Variants in ATP9A observed in about 807,000 individuals in gnomAD.
ATP9A encodes ATPase phospholipid transporting 9A.
A neutral mutation model predicts 144.1 loss-of-function variants in ATP9A; 52 were observed. That is an observed-to-expected ratio of 0.36 (90% confidence interval 0.29 to 0.45). The LOEUF is 0.45. Among genes scored for constraint, ATP9A ranks in the 20% least tolerant of loss-of-function variants. ATP9A has a pLI of 1.00. For missense variants in ATP9A, 947 were observed against 1,392.7 expected, an observed-to-expected ratio of 0.68 and a Z score of 5.09; for synonymous variants, 582 against 557.4, an observed-to-expected ratio of 1.04 and a Z score of -0.62.
At chr20:51,749,821 G>T (rs2122901547) in intron 1 of ATP9A, among the ~76,000 whole-genome samples, 1 of 152,176 alleles carries the variant, frequency 6.6e-6, no homozygotes, top group African/African-American at 2.4e-5. Flanking sequence ...ATTAAACCAT[G>T]TGACTCTGAC....
intron 1 of ATP9A, among the ~76,000 whole-genome samples, chr20:51,757,709 A>G (rs1216220023): frequency 6.6e-6 from 1 of 152,174 alleles, no homozygotes; most frequent in Admixed American, 6.6e-5. Context: ...GTTTGAAACC[A>G]GCCTGAGCAA....
chr20:51,753,345 A>G (rs2077840816), intron 1 of ATP9A, among the ~76,000 whole-genome samples: 1 of 151,934 alleles, frequency 6.6e-6, no homozygotes. Context: ...CTTGGGAGGC[A>G]GAGGCGGAGG....
At chr20:51,684,019 A>AG (rs1199992938) in intron 9 of ATP9A, among the ~76,000 whole-genome samples, 5 of 152,200 alleles carry the variant, frequency 3.3e-5, no homozygotes, top group African/African-American at 1.2e-4. Context: ...CCCTGTCTCT[A>AG]CAAAAAATAC....
At chr20:51,678,164 G>A (rs910717357) in intron 9 of ATP9A, among the ~76,000 whole-genome samples, 1 of 151,968 alleles carries the variant, frequency 6.6e-6, no homozygotes, top group Non-Finnish European at 1.5e-5. Flanking sequence ...GGGGCAGGCA[G>A]TTTGTACTGT....
In ATP9A at chr20:51,689,144, A is replaced by G; in HGVS notation, c.724-5T>C. On this transcript the variant is annotated splice_region_variant and splice_polypyrimidine_tract_variant and intron_variant, in intron 8 of 27. Transcript: ENST00000338821. ...GATCGGGGGGTCGCTGTCTTCCTGG[A>G]AAAGACCAAACGGACACACGTTCAC... 1 of 1,613,750 alleles carries G rather than the reference A, an allele frequency of 6.2e-7. No homozygotes were observed. The highest frequency in any genetic ancestry group is 1.1e-5 in the South Asian group (1 of 91,046).
At chr20:51,653,805 C>T (rs562113543) in intron 14 of ATP9A, among the ~76,000 whole-genome samples, 1 of 151,972 alleles carries the variant, frequency 6.6e-6, no homozygotes, top group African/African-American at 2.4e-5. Flanking sequence ...GTGGCTCACG[C>T]CTGTAGTCCC....
Position 51,600,275 on chromosome 20 carries a change from T to G in ATP9A, c.*936A>C, listed in dbSNP as rs2077136763. 1 of 152,194 alleles carries G rather than the reference T, an allele frequency of 6.6e-6. No individual in the cohort carries two copies. The highest frequency in any genetic ancestry group is 1.9e-4 in the East Asian group (1 of 5,188). 9.4% of individuals were successfully genotyped at this position (152,194 alleles called of 1,614,324 possible). Reference sequence around the variant, plus strand: ...CAGCCCCCTGACCTTTCCGCTTTGGTCTTGGAGGATCTGAGTCACATCTGC... The same window carrying G: ...CAGCCCCCTGACCTTTCCGCTTTGGGCTTGGAGGATCTGAGTCACATCTGC... On this transcript the variant is annotated 3_prime_UTR_variant, in exon 28 of 28. Transcript: ENST00000338821.
intron 14 of ATP9A, among the ~76,000 whole-genome samples, chr20:51,640,093 C>A (rs993945818): frequency 3.3e-5 from 5 of 151,896 alleles, no homozygotes; most frequent in Admixed American, 3.3e-4. Context: ...CCCGTCCCCA[C>A]CCCACACCAC....
chr20:51,687,773 AAAAATGAAT>A (rs1379915578), intron 9 of ATP9A, among the ~76,000 whole-genome samples: 2 of 121,058 alleles, frequency 1.7e-5, no homozygotes, highest in East Asian at 3.1e-4. Flanking sequence ...CAAAAAAAAA[AAAAATGAAT>A]GAATGAATGA....
At chr20:51,645,447 G>A (rs1008496951) in intron 14 of ATP9A, among the ~76,000 whole-genome samples, 9 of 152,160 alleles carry the variant, frequency 5.9e-5, no homozygotes, top group Admixed American at 1.3e-4. Context: ...GTGAACCCGG[G>A]AGGTGGAGTT....
At position 51,648,827 on chromosome 20, in the gene ATP9A, A is replaced by G. The variant is rs573694786; in HGVS notation, c.1506+8111T>C. ...AGCCTGGGCAATACAGCAAGATCCT[A>G]CCTCAAAAAAATAAGCAAAACACAT... On this transcript the variant is annotated intron_variant, in intron 14 of 27. Transcript: ENST00000338821. 5.3e-5 allele frequency among the ~76,000 whole-genome samples: 8 copies of G among 152,228 alleles called. No individual in the cohort carries two copies. In the East Asian group the frequency reaches 1.5e-3, roughly 29 times the overall value.
chr20:51,678,184 C>G (rs996660587), intron 9 of ATP9A, among the ~76,000 whole-genome samples: 2 of 151,976 alleles, frequency 1.3e-5, no homozygotes, highest in Non-Finnish European at 2.9e-5. Flanking sequence ...TCTCCATTCA[C>G]ATCATCTGAG....
At chr20:51,671,350 C>T (rs2077455243) in intron 11 of ATP9A, 93 bp from the exon 12 acceptor site, 4 of 1,424,710 alleles carry the variant, frequency 2.8e-6, no homozygotes, top group East Asian at 2.3e-5. Context: ...CATGTGCCAT[C>T]GCATCCGGAC....
At chr20:51,697,083 A>T (rs1327547129) in intron 5 of ATP9A, among the ~76,000 whole-genome samples, 1 of 152,240 alleles carries the variant, frequency 6.6e-6, no homozygotes, top group African/African-American at 2.4e-5. Flanking sequence ...AAATATTTTA[A>T]GTGTCTATGT....
intron 15 of ATP9A, among the ~76,000 whole-genome samples, chr20:51,638,504 T>C (rs2077304946): frequency 6.6e-6 from 1 of 151,908 alleles, no homozygotes; most frequent in African/African-American, 2.4e-5. Context: ...CCAGACCAAG[T>C]GGCATATGAA....
intron 15 of ATP9A, among the ~76,000 whole-genome samples, chr20:51,632,123 G>A (rs536034762): frequency 2.0e-4 from 31 of 151,978 alleles, no homozygotes; most frequent in Middle Eastern, 3.4e-3. Context: ...AGGCTAGAGC[G>A]CAATGGCACA....
chr20:51,724,368 CT>C (rs2077703426), intron 3 of ATP9A, among the ~76,000 whole-genome samples: 1 of 152,136 alleles, frequency 6.6e-6, no homozygotes, highest in Admixed American at 6.5e-5. Flanking sequence ...TTCTCAAATG[CT>C]CTAAGCACAT....
At chr20:51,633,513 A>T (rs929473011) in intron 15 of ATP9A, among the ~76,000 whole-genome samples, 2 of 152,182 alleles carry the variant, frequency 1.3e-5, no homozygotes, top group Non-Finnish European at 2.9e-5. Flanking sequence ...AGGGAGGTTG[A>T]AGCGGGAGGA....
At chr20:51,629,149 A>G in intron 15 of ATP9A, 77 bp from the exon 16 acceptor site, 1 of 1,225,340 alleles carries the variant, frequency 8.2e-7, no homozygotes, top group Non-Finnish European at 1.2e-6. Flanking sequence ...TTCCCATGAC[A>G]GACAGTGTAC....
Sources: allele counts gnomAD v4.1 joint callset (sites outside exome capture counted in the v4.1 genomes callset), GRCh38; gene constraint gnomAD v4.1.1; transcripts MANE v1.5; gene names NCBI Gene and HGNC (gene_info 2026-07-23, HGNC 2026-07-21).